CADM2: variants seen among roughly 807,000 people sequenced by gnomAD.
CADM2 encodes immunoglobulin superfamily member 4D.
Under a neutral mutation model 49.8 loss-of-function variants are expected in CADM2, and 12 were observed. The observed-to-expected ratio is 0.24, with a 90% CI of 0.15 to 0.39. The LOEUF (loss-of-function observed/expected upper bound fraction) is 0.39. Among genes scored for constraint, CADM2 ranks in the 10% least tolerant of loss-of-function variants. CADM2 has a pLI of 1.00. For missense variants in CADM2, 378 were observed against 492.3 expected (o/e 0.77, Z 2.20); for synonymous variants, 214 against 175.4 (o/e 1.22, Z -1.74).
At chr3:85,471,851 G>T (rs1232848191) in intron 1 of CADM2, among the ~76,000 whole-genome samples, 1 of 151,588 alleles carries the variant, frequency 6.6e-6, no homozygotes, top group East Asian at 1.9e-4. Flanking sequence ...ATATTTTAAA[G>T]ATTAACATAA....
At chr3:85,926,100 G>A (rs1018084504) in intron 6 of CADM2, among the ~76,000 whole-genome samples, 1 of 151,496 alleles carries the variant, frequency 6.6e-6, no homozygotes, top group Non-Finnish European at 1.5e-5. Context: ...TCATACCACT[G>A]CACTCCAGCC....
At chr3:85,272,150 A>G (rs996144318) in intron 1 of CADM2, among the ~76,000 whole-genome samples, 2 of 151,190 alleles carry the variant, frequency 1.3e-5, no homozygotes, top group African/African-American at 4.8e-5. Context: ...TAACAGAGAA[A>G]GGCATGGAAA....
intron 5 of CADM2, among the ~76,000 whole-genome samples, chr3:85,898,808 A>G (rs1196094000): frequency 6.6e-6 from 1 of 150,410 alleles, no homozygotes; most frequent in Non-Finnish European, 1.5e-5. Flanking sequence ...ATTTGTCTTC[A>G]TTTTTCTTAG....
At chr3:86,060,887 C>A (rs867664881) in intron 8 of CADM2, among the ~76,000 whole-genome samples, 4 of 151,894 alleles carry the variant, frequency 2.6e-5, no homozygotes, top group Non-Finnish European at 4.4e-5. Flanking sequence ...GAGGCTGAGG[C>A]AGGAGAATCA....
At chr3:85,844,444 AGG>A (rs2074787747) in intron 3 of CADM2, among the ~76,000 whole-genome samples, 1 of 152,138 alleles carries the variant, frequency 6.6e-6, no homozygotes, top group African/African-American at 2.4e-5. Context: ...TGTAGCTTTA[AGG>A]GGATTGATAC....
At chr3:85,931,581 A>G (rs1363417956) in intron 6 of CADM2, among the ~76,000 whole-genome samples, 1 of 152,248 alleles carries the variant, frequency 6.6e-6, no homozygotes, top group Non-Finnish European at 1.5e-5. Flanking sequence ...AAGGTGAAAA[A>G]AGGAACATGC....
At chr3:85,087,160 G>T (rs2037411580) in intron 1 of CADM2, among the ~76,000 whole-genome samples, 2 of 152,262 alleles carry the variant, frequency 1.3e-5, no homozygotes, top group African/African-American at 4.8e-5. Context: ...AGATCCAAAA[G>T]ATGATCCTTG....
At chr3:85,580,838 ATTAAG>A (rs952233271) in intron 1 of CADM2, among the ~76,000 whole-genome samples, 20 of 152,280 alleles carry the variant, frequency 1.3e-4, no homozygotes, top group African/African-American at 4.6e-4. Flanking sequence ...ACTTGTGATA[ATTAAG>A]TTAATACATG....
chr3:85,898,827 C>T (rs901404325), intron 5 of CADM2, among the ~76,000 whole-genome samples: 1 of 149,288 alleles, frequency 6.7e-6, no homozygotes, highest in Non-Finnish European at 1.5e-5. Flanking sequence ...AGGCAAATGC[C>T]TAGATGCAGA....
At chr3:85,057,738 A>G (rs1256938921) in intron 1 of CADM2, among the ~76,000 whole-genome samples, 1 of 152,200 alleles carries the variant, frequency 6.6e-6, no homozygotes, top group East Asian at 1.9e-4. Flanking sequence ...CAGTTTTGAT[A>G]CAGTAAATTG....
At chr3:85,734,122 A>T (rs1475840087) in intron 2 of CADM2, among the ~76,000 whole-genome samples, 1 of 152,158 alleles carries the variant, frequency 6.6e-6, no homozygotes, top group Non-Finnish European at 1.5e-5. Flanking sequence ...ACATATTTTT[A>T]ATGAAAAAAA....
Position 85,729,117 on chromosome 3 carries a change from A to AT in CADM2, c.88+2576dup, listed in dbSNP as rs370126319. ...GTGGTTTCTCAATCCTCATATTGCT[A>AT]TTTTTTTCCTGATGAACATATTATA... On this transcript the variant is annotated intron_variant, in intron 2 of 9. Coordinates refer to ENST00000383699, the MANE Select transcript of CADM2 (RefSeq NM_001167675.2). 6.6e-5 allele frequency among the ~76,000 whole-genome samples: 10 copies of AT among 152,032 alleles called. No individual in the cohort carries two copies. The South Asian group carries it at 8.3e-4, about 13-fold the overall frequency.
At chr3:85,815,640 T>C (rs1267361782) in intron 3 of CADM2, among the ~76,000 whole-genome samples, 1 of 152,184 alleles carries the variant, frequency 6.6e-6, no homozygotes, top group Non-Finnish European at 1.5e-5. Context: ...GCCAATGTCA[T>C]ACTGAATGGG....
chr3:85,303,830 A>G (rs985832635), intron 1 of CADM2, among the ~76,000 whole-genome samples: 1 of 151,936 alleles, frequency 6.6e-6, no homozygotes, highest in African/African-American at 2.4e-5. Flanking sequence ...TGAATGGCAC[A>G]TAAAGTGATT....
chr3:85,348,819 AT>A (rs1441781092), intron 1 of CADM2, among the ~76,000 whole-genome samples: 1 of 152,210 alleles, frequency 6.6e-6, no homozygotes, highest in Non-Finnish European at 1.5e-5. Context: ...TTAAGAGAGA[AT>A]ATTTTAATCC....
chr3:85,921,775 G>A (rs566540501), intron 6 of CADM2, among the ~76,000 whole-genome samples: 37 of 149,474 alleles, frequency 2.5e-4, no homozygotes, highest in Admixed American at 1.0e-3. Context: ...TCTCTCTCTC[G>A]TTACATCATC....
chr3:85,578,436 A>T (rs186951720), intron 1 of CADM2, among the ~76,000 whole-genome samples: 47 of 152,330 alleles, frequency 3.1e-4, no homozygotes, highest in Admixed American at 2.2e-3. Context: ...ATGTTTTATA[A>T]TGAGAGTTAA....
intron 1 of CADM2, among the ~76,000 whole-genome samples, chr3:85,547,890 G>T (rs1317159318): frequency 6.6e-6 from 1 of 152,126 alleles, no homozygotes; most frequent in African/African-American, 2.4e-5. Context: ...GAACATGTTG[G>T]CCACTGTAGG....
intron 1 of CADM2, among the ~76,000 whole-genome samples, chr3:85,472,527 A>G (rs146452473): frequency 2.0e-5 from 3 of 152,144 alleles, no homozygotes; most frequent in African/African-American, 7.2e-5. Flanking sequence ...GGGTAATGCT[A>G]GAAATACAAT....
Sources: allele counts gnomAD v4.1 joint callset (sites outside exome capture counted in the v4.1 genomes callset), GRCh38; gene constraint gnomAD v4.1.1; transcripts MANE v1.5; gene names NCBI Gene and HGNC (gene_info 2026-07-23, HGNC 2026-07-21).